The following SACM1L variants were observed in gnomAD, a reference collection of about 807,000 sequenced individuals.
SACM1L encodes SAC1 like phosphatidylinositide phosphatase, also known as phosphatidylinositol-3-phosphatase SAC1.
SACM1L carries 32 observed loss-of-function variants against 89.5 expected under a neutral mutation model. The observed-to-expected ratio is 0.36, with a 90% CI of 0.27 to 0.48. The LOEUF is 0.48. Among genes scored for constraint, SACM1L ranks in the 20% least tolerant of loss-of-function variants. The pLI is 0.99. For missense variants in SACM1L, 543 were observed against 708.5 expected (o/e 0.77, Z 2.65); for synonymous variants, 213 against 232.8 (o/e 0.92, Z 0.77).
intron 11 of SACM1L, among the ~76,000 whole-genome samples, chr3:45,727,606 T>A (rs560079758): frequency 6.6e-6 from 1 of 151,464 alleles, no homozygotes; most frequent in South Asian, 2.1e-4. Context: ...TTTCCTACAA[T>A]TTTTTTAAAT....
At position 45,706,638 on chromosome 3, in the gene SACM1L, T is replaced by C. The variant is rs556155535; in HGVS notation, c.206-142T>C. On this transcript the variant is annotated intron_variant, in intron 3 of 19. Coordinates refer to ENST00000389061, the MANE Select transcript of SACM1L (RefSeq NM_014016.5). ...CCTTTCTATTCATAAATTGTAAGGT[T>C]GCTTTAAAAATGGGCCTTTTATCTG... 9.8e-6 allele frequency: 5 copies of C among 512,608 alleles called. No individual in the cohort carries two copies. The East Asian group carries it at 1.7e-4, about 17-fold the overall frequency. The allele number at this position is 512,608 out of a possible 1,614,324, so 31.8% of individuals were successfully genotyped here.
At chr3:45,728,906 T>G (rs1480444548) in intron 11 of SACM1L, among the ~76,000 whole-genome samples, 1 of 152,108 alleles carries the variant, frequency 6.6e-6, no homozygotes, top group Non-Finnish European at 1.5e-5. Flanking sequence ...ACTCCTGGCC[T>G]CAAGCCATCC....
At chr3:45,700,667 T>C (rs576897040) in intron 1 of SACM1L, among the ~76,000 whole-genome samples, 3 of 152,320 alleles carry the variant, frequency 2.0e-5, no homozygotes, top group Admixed American at 6.5e-5. Context: ...TATTTTACTT[T>C]AATTATTTTT....
At chr3:45,729,687 T>G (rs1274491555) in intron 11 of SACM1L, among the ~76,000 whole-genome samples, 1 of 152,182 alleles carries the variant, frequency 6.6e-6, no homozygotes, top group Non-Finnish European at 1.5e-5. Context: ...GAGAATCTCT[T>G]GTGTGTGATG....
chr3:45,692,127 A>G (rs1575379643), intron 1 of SACM1L, among the ~76,000 whole-genome samples: 2 of 152,168 alleles, frequency 1.3e-5, no homozygotes, highest in East Asian at 1.9e-4. Flanking sequence ...CTCTTTACAT[A>G]CTGGTCACAT....
chr3:45,731,173 T>G, intron 11 of SACM1L, 128 bp from the exon 12 acceptor site: 1 of 530,126 alleles, frequency 1.9e-6, no homozygotes, highest in South Asian at 3.0e-5. Flanking sequence ...CTCAGACAGC[T>G]TCTGGGTTTT....
rs1398316417 is a variant in SACM1L at position 45,743,841 on chromosome 3, A to G, written c.*172A>G. On this transcript the variant is annotated 3_prime_UTR_variant, in exon 20 of 20. Coordinates refer to ENST00000389061, the MANE Select transcript of SACM1L (RefSeq NM_014016.5). ...GAATTGATCTGATGTTACTGCCTTG[A>G]TGGTCTCTTTACTATTGGGACAGTT... 1 of 551,358 alleles carries G rather than the reference A, an allele frequency of 1.8e-6. No individual in the cohort carries two copies. 34.2% of individuals were successfully genotyped at this position (551,358 alleles called of 1,614,324 possible).
At chr3:45,719,433 T>C in intron 7 of SACM1L, 67 bp from the exon 8 acceptor site, 1 of 883,536 alleles carries the variant, frequency 1.1e-6, no homozygotes, top group Non-Finnish European at 1.7e-6. Context: ...GATAGATAGA[T>C]GCAAACAATC....
At position 45,709,524 on chromosome 3, in the gene SACM1L, G is replaced by A. The variant is rs773277620; in HGVS notation, c.360G>A (p.Ala120=). 21 of 1,611,900 alleles carry A rather than the reference G, an allele frequency of 1.3e-5. No homozygotes were observed. Among genetic ancestry groups the A allele is most frequent in the Non-Finnish European group, 1.6e-5 (19 of 1,179,088 alleles). ...TACAAGATAATAAAACCTTCCTAGCGATGCTAAACCATGTCTTGAATGTGG... is the reference window on the plus strand; with the variant it reads ...TACAAGATAATAAAACCTTCCTAGCAATGCTAAACCATGTCTTGAATGTGG... The part of the protein sequence containing the change: ...IQLQDNKTFL[A]MLNHVLNVDG... Residue 120 remains alanine, a synonymous_variant, in exon 5 of 20, where the codon GCG becomes GCA. Coordinates refer to ENST00000389061, the MANE Select transcript of SACM1L (RefSeq NM_014016.5).
intron 8 of SACM1L, among the ~76,000 whole-genome samples, chr3:45,719,966 T>C (rs897876547): frequency 6.6e-6 from 1 of 152,238 alleles, no homozygotes; most frequent in Non-Finnish European, 1.5e-5. Flanking sequence ...CATTTGGCTT[T>C]GTGCCTTCAA....
chr3:45,689,816 T>A, intron 1 of SACM1L: 2 of 530,940 alleles, frequency 3.8e-6, no homozygotes, highest in Admixed American at 3.3e-5. Flanking sequence ...GTCCCCACTT[T>A]CTATGCAGAG....
chr3:45,722,722 A>C (rs1575402503), intron 9 of SACM1L, 147 bp from the exon 10 acceptor site: 1 of 553,934 alleles, frequency 1.8e-6, no homozygotes, highest in East Asian at 3.0e-5. Flanking sequence ...CTTTAGGAGC[A>C]GATACACGTG....
chr3:45,723,406 A>AAATATTTAT, intron 10 of SACM1L, 69 bp from the exon 11 acceptor site: 1 of 579,342 alleles, frequency 1.7e-6, no homozygotes, highest in African/African-American at 2.0e-5. Flanking sequence ...AAAATATTAT[A>AAATATTTAT]AATATTTAAA....
intron 11 of SACM1L, among the ~76,000 whole-genome samples, chr3:45,724,398 T>G (rs1348969195): frequency 6.6e-6 from 1 of 151,604 alleles, no homozygotes; most frequent in Non-Finnish European, 1.5e-5. Flanking sequence ...CTCTAATGAT[T>G]TGTGTGATTT....
intron 1 of SACM1L, among the ~76,000 whole-genome samples, chr3:45,698,170 A>G (rs887805558): frequency 1.3e-5 from 2 of 152,248 alleles, no homozygotes; most frequent in African/African-American, 4.8e-5. Context: ...ACATAAAACA[A>G]TTATGCTTCA....
chr3:45,725,828 T>G (rs1332832208), intron 11 of SACM1L, among the ~76,000 whole-genome samples: 3 of 152,116 alleles, frequency 2.0e-5, no homozygotes, highest in Non-Finnish European at 4.4e-5. Flanking sequence ...ATACTAGCTG[T>G]GGGTTTTTCA....
At chr3:45,725,254 T>G (rs915525809) in intron 11 of SACM1L, among the ~76,000 whole-genome samples, 1 of 152,200 alleles carries the variant, frequency 6.6e-6, no homozygotes, top group Admixed American at 6.5e-5. Flanking sequence ...GCAATTGCAT[T>G]GAATTGACAG....
intron 7 of SACM1L, 129 bp downstream of exon 7, chr3:45,714,208 G>T: frequency 3.9e-5 from 15 of 388,576 alleles, no homozygotes; most frequent in East Asian, 1.6e-4. Context: ...AATTGCTGTT[G>T]ATAAGAAAAT....
At chr3:45,740,956 T>A (rs1187278697) in intron 19 of SACM1L, among the ~76,000 whole-genome samples, 6 of 152,224 alleles carry the variant, frequency 3.9e-5, no homozygotes, top group Admixed American at 3.9e-4. Context: ...ACTGGTTTTC[T>A]TTTTTCTCTT....
Sources: gnomAD v4.1 joint callset for allele counts (sites outside exome capture counted in the v4.1 genomes callset) on GRCh38, gnomAD v4.1.1 for gene constraint, MANE v1.5 for transcripts, NCBI Gene and HGNC (gene_info 2026-07-23, HGNC 2026-07-21) for gene names.